The following FBXO46 variants were observed in gnomAD, a reference collection of about 807,000 sequenced individuals.
The protein encoded by FBXO46 is F-box only protein 46.
FBXO46 carries 13 observed loss-of-function variants against 30.7 expected under a neutral mutation model. The ratio of observed to expected loss-of-function variants is 0.42; its 90% CI spans 0.28 to 0.67. The LOEUF is 0.67. Among genes scored for constraint, FBXO46 ranks in the 30% least tolerant of loss-of-function variants. The probability of loss-of-function intolerance (pLI) is 0.21; values close to 1 mark genes in which losing one functional copy is unlikely to be tolerated. For synonymous variants in FBXO46, 467 were observed against 385.8 expected, an observed-to-expected ratio of 1.21 and a Z score of -2.47; for missense variants, 754 against 871.5, an observed-to-expected ratio of 0.87 and a Z score of 1.70.
rs747726614 is a variant in FBXO46, at chr19:45,712,212, C to T, written c.1284G>A (p.Pro428=). 2.9e-5 allele frequency: 46 copies of T among 1,604,600 alleles called. No individual in the cohort carries two copies. The highest frequency in any genetic ancestry group is 1.7e-4 in the Middle Eastern group (1 of 6,018). Residue 428 remains proline, a synonymous_variant, in exon 2 of 2, where the codon CCG becomes CCA. Transcript: ENST00000317683. The surrounding 1 kb of genome is among the most constrained non-coding windows in gnomAD (Gnocchi z 8.8). Reference sequence around the variant, plus strand: ...CATCGTCTGGGCCGGGCGCAGTGGCCGGGGAGTCGGCCGGGGGTGGCTCCG... The same window carrying T: ...CATCGTCTGGGCCGGGCGCAGTGGCTGGGGAGTCGGCCGGGGGTGGCTCCG... ...GPPEPPPADS[P]ATAPGPDDAE...
At chr19:45,727,838 A>T (rs1325136225) in intron 1 of FBXO46, among the ~76,000 whole-genome samples, 1 of 152,238 alleles carries the variant, frequency 6.6e-6, no homozygotes, top group Non-Finnish European at 1.5e-5. Flanking sequence ...AACAACAAGA[A>T]AAACCTAGTT....
At chr19:45,714,365 ATCG>A (rs1290672778) in intron 1 of FBXO46, 4 of 152,018 alleles carry the variant, frequency 2.6e-5, no homozygotes, top group African/African-American at 9.7e-5. Flanking sequence ...CACTTAAGAA[ATCG>A]GCTTTTCTTT....
chr19:45,728,561 C>T (rs139377636), intron 1 of FBXO46, among the ~76,000 whole-genome samples: 4 of 152,300 alleles, frequency 2.6e-5, no homozygotes, highest in African/African-American at 4.8e-5. Flanking sequence ...CAGGGCCAGG[C>T]GTGGTGGCTC....
chr19:45,715,723 C>T (rs1203529007), intron 1 of FBXO46: 1 of 142,250 alleles, frequency 7.0e-6, no homozygotes, highest in Non-Finnish European at 1.5e-5. Context: ...AGGAGAATAG[C>T]TTGAACCGGG....
At chr19:45,721,957 G>A (rs1968178522) in intron 1 of FBXO46, among the ~76,000 whole-genome samples, 2 of 152,072 alleles carry the variant, frequency 1.3e-5, no homozygotes, top group African/African-American at 2.4e-5. Flanking sequence ...CTGAGTAGCT[G>A]GGATTATAGG....
At chr19:45,721,766 T>A (rs1968175847) in intron 1 of FBXO46, among the ~76,000 whole-genome samples, 1 of 151,804 alleles carries the variant, frequency 6.6e-6, no homozygotes, top group African/African-American at 2.4e-5. Flanking sequence ...CAGGATGGTC[T>A]CGGTCTCCTG....
Position 45,713,441 on chromosome 19 carries a change from T to C in FBXO46, c.55A>G (p.Thr19Ala). The part of the protein sequence containing the change: ...FQLWCPRPFG[T>A]YSQNQPRPPS... ...GGGCGTGGCTGGTTCTGTGAGTAGG[T>C]GCCAAAGGGCCGGGGGCACCATAGC... is the stretch of plus-strand genomic sequence containing the variant. The change falls in exon 2 of 2, where the codon ACC (threonine) becomes GCC (alanine). Residue 19 changes from threonine to alanine, a missense_variant. By Grantham distance (58) the Thr-to-Ala change is moderately conservative. This residue lies in a region of FBXO46 where 97 missense variants were observed against 113.0 expected (regional missense o/e 0.86). Transcript: ENST00000317683. This position sits in a 1 kb window ranked among gnomAD's most constrained non-coding sequence, Gnocchi z 4.7. The C allele has an allele frequency of 6.3e-7, 1 of 1,599,246 alleles. No homozygotes were observed.
chr19:45,721,000 C>CAAA (rs11326838), intron 1 of FBXO46, among the ~76,000 whole-genome samples: 1 of 107,642 alleles, frequency 9.3e-6, no homozygotes. Context: ...GACTCTCAGC[C>CAAA]AAAAAAAAAA....
chr19:45,721,118 C>A (rs1444688157), intron 1 of FBXO46, among the ~76,000 whole-genome samples: 2 of 152,036 alleles, frequency 1.3e-5, no homozygotes, highest in Admixed American at 6.6e-5. Flanking sequence ...CTTTGGGAAG[C>A]CGAGGCAGAC....
At chr19:45,725,159 G>C (rs752352070) in intron 1 of FBXO46, among the ~76,000 whole-genome samples, 10 of 151,892 alleles carry the variant, frequency 6.6e-5, no homozygotes, top group Non-Finnish European at 1.5e-4. Flanking sequence ...GCTCAACCCT[G>C]TAATTCTAGC....
rs769951893 is a variant in FBXO46 at position 45,712,567 on chromosome 19, T to C, written c.929A>G (p.Gln310Arg). Reference sequence around the variant, plus strand: ...GGCATCCCGCGAGGGGCTGATGAGCTGGTATAAGTCACATGTGATCTTGTC... The same window carrying C: ...GGCATCCCGCGAGGGGCTGATGAGCCGGTATAAGTCACATGTGATCTTGTC... ...AKDKITCDLY[Q>R]LISPSRDALP... The change falls in exon 2 of 2, where the codon CAG (glutamine) becomes CGG (arginine). Residue 310 changes from glutamine to arginine, a missense_variant. By Grantham distance (43) the Gln-to-Arg change is conservative. This residue lies in a region of FBXO46 where 454 missense variants were observed against 426.5 expected (regional missense o/e 1.06). Transcript: ENST00000317683. This position sits in a 1 kb window ranked among gnomAD's most constrained non-coding sequence, Gnocchi z 8.8. 3 of 1,593,874 alleles carry C rather than the reference T, an allele frequency of 1.9e-6. No homozygotes were observed. The highest frequency in any genetic ancestry group is 8.6e-7 in the Non-Finnish European group (1 of 1,169,108).
At chr19:45,717,570 G>A (rs190635429) in intron 1 of FBXO46, among the ~76,000 whole-genome samples, 4 of 152,306 alleles carry the variant, frequency 2.6e-5, no homozygotes, top group African/African-American at 9.6e-5. Context: ...AAGGGAGCGT[G>A]GAACAACTCC....
chr19:45,729,946 G>A (rs1477512448), intron 1 of FBXO46, among the ~76,000 whole-genome samples: 1 of 152,100 alleles, frequency 6.6e-6, no homozygotes, highest in East Asian at 1.9e-4. Context: ...TTCCGGGGGC[G>A]GAGAACTTCC....
rs1916934931 is a variant in FBXO46, at chr19:45,712,641, C to A, written c.855G>T (p.Arg285Ser). The A allele has an allele frequency of 6.2e-7, 1 of 1,606,618 alleles. No individual in the cohort carries two copies. Among genetic ancestry groups the A allele is most frequent in the Non-Finnish European group, 8.5e-7 (1 of 1,176,410 alleles). ...GGCTGCCAGGGTAGGCACAACCAGGCCTGCCCCCGCCCCCACTGGGCAGGC... is the reference window on the plus strand; with the variant it reads ...GGCTGCCAGGGTAGGCACAACCAGGACTGCCCCCGCCCCCACTGGGCAGGC... ...DSGLPSGGGGRPGCAYPGSPG... is the reference protein window; with the variant it reads ...DSGLPSGGGGSPGCAYPGSPG... The change falls in exon 2 of 2, where the codon AGG (arginine) becomes AGT (serine). Residue 285 changes from arginine to serine, a missense_variant. Physicochemically the swap from Arg to Ser is moderately radical, Grantham distance 110. Coordinates refer to ENST00000317683, the MANE Select transcript of FBXO46 (RefSeq NM_001080469.2). This position sits in a 1 kb window ranked among gnomAD's most constrained non-coding sequence, Gnocchi z 8.8.
At chr19:45,717,310 T>C (rs1600360076) in intron 1 of FBXO46, 1 of 151,924 alleles carries the variant, frequency 6.6e-6, no homozygotes, top group Non-Finnish European at 1.5e-5. Flanking sequence ...CCCACACGCA[T>C]GCGCGCGAAA....
intron 1 of FBXO46, among the ~76,000 whole-genome samples, chr19:45,714,112 C>A (rs1968051165): frequency 6.6e-6 from 1 of 152,104 alleles, no homozygotes; most frequent in African/African-American, 2.4e-5. Context: ...CCCATAGGTC[C>A]TACCCCACTG....
At chr19:45,722,495 G>C (rs1044338571) in intron 1 of FBXO46, among the ~76,000 whole-genome samples, 2 of 152,198 alleles carry the variant, frequency 1.3e-5, no homozygotes, top group East Asian at 3.8e-4. Context: ...CTGAGGCGTA[G>C]CTCACACCTG....
At position 45,712,223 on chromosome 19, in the gene FBXO46, C is replaced by A. The variant is rs1352022399; in HGVS notation, c.1273G>T (p.Ala425Ser). Residue 425 changes from alanine (A) to serine (S), a missense_variant, in exon 2 of 2, where the codon GCC becomes TCC. This residue lies in a region of FBXO46 where 454 missense variants were observed against 426.5 expected (regional missense o/e 1.06). Coordinates refer to ENST00000317683, the MANE Select transcript of FBXO46 (RefSeq NM_001080469.2). This position sits in a 1 kb window ranked among gnomAD's most constrained non-coding sequence, Gnocchi z 8.8. ...GPDGPPEPPP[A>S]DSPATAPGPD... ...CCGGGCGCAGTGGCCGGGGAGTCGGCCGGGGGTGGCTCCGGGGGCCCGTCC... is the reference window on the plus strand; with the variant it reads ...CCGGGCGCAGTGGCCGGGGAGTCGGACGGGGGTGGCTCCGGGGGCCCGTCC... The A allele has an allele frequency of 5.0e-6, 8 of 1,605,140 alleles. No individual in the cohort carries two copies. The highest frequency in any genetic ancestry group is 5.9e-6 in the Non-Finnish European group (7 of 1,177,582).
At chr19:45,716,018 A>G (rs1252925587) in intron 1 of FBXO46, 1 of 152,106 alleles carries the variant, frequency 6.6e-6, no homozygotes, top group Non-Finnish European at 1.5e-5. Context: ...TCCAAAACCT[A>G]TAGATGGCTG....
Sources: allele counts gnomAD v4.1 joint callset (sites outside exome capture counted in the v4.1 genomes callset), GRCh38; gene constraint gnomAD v4.1.1; regional missense constraint gnomAD v4.1.1; non-coding constraint Gnocchi (gnomAD v3.1); transcripts MANE v1.5; gene names NCBI Gene and HGNC (gene_info 2026-07-23, HGNC 2026-07-21).